TENM3: variants seen among roughly 807,000 people sequenced by gnomAD.
The protein encoded by TENM3 is teneurin transmembrane protein 3.
Under a neutral mutation model 255.1 loss-of-function variants are expected in TENM3, and 63 were observed. The ratio of observed to expected loss-of-function variants is 0.25; its 90% CI spans 0.20 to 0.30. TENM3 has a LOEUF of 0.30. Among genes scored for constraint, TENM3 ranks in the 10% least tolerant of loss-of-function variants. The pLI is 1.00. For synonymous variants in TENM3, 1,306 were observed against 1,322.3 expected (o/e 0.99, Z 0.27); for missense variants, 2,929 against 3,461.1 (o/e 0.85, Z 3.86).
At chr4:182,423,356 A>C (rs1770981081) in intron 3 of TENM3, among the ~76,000 whole-genome samples, 3 of 152,190 alleles carry the variant, frequency 2.0e-5, no homozygotes, top group Admixed American at 2.0e-4. Flanking sequence ...ATGTTTGTAC[A>C]AGTTAAAGTT....
At chr4:181,531,194 C>A in the TENM3 span, among the ~76,000 whole-genome samples, 1 of 151,880 alleles carries the variant, frequency 6.6e-6, no homozygotes, top group Non-Finnish European at 1.5e-5. Context: ...TTTAACTGAC[C>A]CACAGAATAA....
intron 11 of TENM3, among the ~76,000 whole-genome samples, chr4:182,686,686 C>A (rs1439535513): frequency 6.6e-6 from 1 of 152,090 alleles, no homozygotes; most frequent in East Asian, 1.9e-4. Context: ...CCCTTCAATT[C>A]CACTTCAATT....
chr4:181,466,959 A>G, the TENM3 span, among the ~76,000 whole-genome samples: 1 of 151,030 alleles, frequency 6.6e-6, no homozygotes, highest in South Asian at 2.1e-4. Flanking sequence ...AAAATATCAT[A>G]GATTGCATTT....
chr4:181,702,980 T>C, the TENM3 span, among the ~76,000 whole-genome samples: 1 of 152,322 alleles, frequency 6.6e-6, no homozygotes. Flanking sequence ...TCCAATCATA[T>C]TAACTCACTG....
intron 6 of TENM3, among the ~76,000 whole-genome samples, chr4:182,667,450 A>T (rs1754796925): frequency 6.6e-6 from 1 of 152,032 alleles, no homozygotes; most frequent in African/African-American, 2.4e-5. Flanking sequence ...CAGTCTCCCA[A>T]AGTGCTGGGA....
chr4:182,626,394 C>A (rs1046352676), intron 4 of TENM3, among the ~76,000 whole-genome samples: 1 of 152,138 alleles, frequency 6.6e-6, no homozygotes, highest in Non-Finnish European at 1.5e-5. Flanking sequence ...TGATTTTGAG[C>A]AAAATAATAA....
At chr4:181,770,006 A>G in the TENM3 span, among the ~76,000 whole-genome samples, 2 of 152,214 alleles carry the variant, frequency 1.3e-5, no homozygotes, top group Non-Finnish European at 2.9e-5. Flanking sequence ...TTTAAAAGTC[A>G]TGAGACACAT....
At chr4:182,494,681 G>A (rs1187614876) in intron 3 of TENM3, among the ~76,000 whole-genome samples, 4 of 152,112 alleles carry the variant, frequency 2.6e-5, no homozygotes, top group African/African-American at 4.8e-5. Context: ...GCAGTATAAA[G>A]ACTTCTGTAA....
At chr4:181,811,784 G>T in the TENM3 span, among the ~76,000 whole-genome samples, 1 of 152,160 alleles carries the variant, frequency 6.6e-6, no homozygotes, top group Admixed American at 6.5e-5. Flanking sequence ...CCTCCACCTG[G>T]CCCTGTCCTT....
Position 182,792,297 on chromosome 4 carries a change from C to T in TENM3, c.5625C>T (p.Ser1875=). The T allele has an allele frequency of 5.0e-6, 8 of 1,613,744 alleles. No individual in the cohort carries two copies. Among genetic ancestry groups the T allele is most frequent in the Non-Finnish European group, 6.8e-6 (8 of 1,179,684 alleles). Residue 1875 remains serine, a synonymous_variant, in exon 26 of 28, where the codon AGC becomes AGT. Transcript: ENST00000511685. The surrounding 1 kb of genome is among the most constrained non-coding windows in gnomAD (Gnocchi z 6.3). The part of the protein sequence containing the change: ...LEKSMVLLLH[S]QRQYIFEYDM... ...AGTCCATGGTTCTTCTGCTTCATAG[C>T]CAGCGGCAGTACATCTTCGAATACG...
At chr4:182,157,689 G>T (rs143618873) in intron 1 of TENM3, among the ~76,000 whole-genome samples, 3 of 152,184 alleles carry the variant, frequency 2.0e-5, no homozygotes, top group African/African-American at 7.2e-5. Flanking sequence ...ACACAGACTT[G>T]TCAGCATTTA....
intron 2 of TENM3, among the ~76,000 whole-genome samples, chr4:182,345,941 T>G (rs1360060564): frequency 2.0e-5 from 3 of 152,140 alleles, no homozygotes; most frequent in Admixed American, 2.0e-4. Context: ...TCAATACAGA[T>G]GTTTTCAGGT....
At chr4:181,841,422 A>T in the TENM3 span, among the ~76,000 whole-genome samples, 1 of 152,100 alleles carries the variant, frequency 6.6e-6, no homozygotes, top group Non-Finnish European at 1.5e-5. Flanking sequence ...AGGCCTGCTG[A>T]ATCAGAATCT....
At chr4:182,484,473 G>T (rs1561495834) in intron 3 of TENM3, among the ~76,000 whole-genome samples, 2 of 151,960 alleles carry the variant, frequency 1.3e-5, no homozygotes, top group African/African-American at 4.8e-5. Flanking sequence ...TACCTTATTT[G>T]TTCCATGTGG....
chr4:182,543,939 G>A (rs983422796), intron 3 of TENM3, among the ~76,000 whole-genome samples: 1 of 151,984 alleles, frequency 6.6e-6, no homozygotes, highest in Non-Finnish European at 1.5e-5. Context: ...AGACGAAGGA[G>A]GTTGCCTTTT....
chr4:182,754,272 A>G lies in TENM3; in HGVS notation c.4018-113A>G, dbSNP rs1343371241. 3 of 1,121,458 alleles carry G rather than the reference A, an allele frequency of 2.7e-6. No individual in the cohort carries two copies. The highest frequency in any genetic ancestry group is 3.0e-5 in the Admixed American group (1 of 33,526). The allele number at this position is 1,121,458 out of a possible 1,614,324, so 69.5% of individuals were successfully genotyped here. On this transcript the variant is annotated intron_variant, in intron 21 of 27. Transcript: ENST00000511685. The surrounding 1 kb of genome is among the most constrained non-coding windows in gnomAD (Gnocchi z 5.1). ...TGAGGCTATTGAAAAAACTATTATCAGACAGTTTATCTCAGATTAATGCCA... is the reference window on the plus strand; with the variant it reads ...TGAGGCTATTGAAAAAACTATTATCGGACAGTTTATCTCAGATTAATGCCA...
the TENM3 span, among the ~76,000 whole-genome samples, chr4:182,041,932 T>A: frequency 3.9e-5 from 6 of 152,230 alleles, no homozygotes; most frequent in East Asian, 1.2e-3. Flanking sequence ...TTGGTTCTCA[T>A]ACTATTTCTA....
intron 5 of TENM3, among the ~76,000 whole-genome samples, chr4:182,646,570 C>T (rs868231525): frequency 2.0e-5 from 3 of 151,936 alleles, no homozygotes; most frequent in Admixed American, 6.6e-5. Flanking sequence ...CATGAAACCC[C>T]GTCTCTACTA....
At chr4:181,797,910 C>G in the TENM3 span, among the ~76,000 whole-genome samples, 1 of 152,118 alleles carries the variant, frequency 6.6e-6, no homozygotes, top group African/African-American at 2.4e-5. Flanking sequence ...AATTTGGAAC[C>G]AGCTGTCTCT....
Sources: allele counts gnomAD v4.1 joint callset (sites outside exome capture counted in the v4.1 genomes callset), GRCh38; gene constraint gnomAD v4.1.1; non-coding constraint Gnocchi (gnomAD v3.1); transcripts MANE v1.5; gene names NCBI Gene and HGNC (gene_info 2026-07-23, HGNC 2026-07-21).